Variants in HTR1F observed in about 807,000 individuals in gnomAD.
HTR1F encodes 5-hydroxytryptamine (serotonin) receptor 1F, G protein-coupled.
In HTR1F, 17 loss-of-function variants were observed where a neutral mutation model predicts 24.0. The observed-to-expected ratio is 0.71, with a 90% CI of 0.48 to 1.06. HTR1F has a LOEUF of 1.06. HTR1F is among the 50% of genes least tolerant of loss of function. HTR1F has a pLI of 0.00. For synonymous variants in HTR1F, 186 were observed against 156.8 expected (o/e 1.19, Z -1.39); for missense variants, 391 against 427.8 (o/e 0.91, Z 0.76).
At chr3:87,839,293 G>A (rs1244117202) in intron 2 of HTR1F, among the ~76,000 whole-genome samples, 1 of 151,990 alleles carries the variant, frequency 6.6e-6, no homozygotes, top group Non-Finnish European at 1.5e-5. Context: ...GCATGTAGAT[G>A]TCCAGTTTTA....
At chr3:87,805,315 G>A (rs1393153951) in intron 1 of HTR1F, among the ~76,000 whole-genome samples, 1 of 151,864 alleles carries the variant, frequency 6.6e-6, no homozygotes, top group Non-Finnish European at 1.5e-5. Context: ...ATATTTATTA[G>A]AATAGCAGTT....
intron 2 of HTR1F, among the ~76,000 whole-genome samples, chr3:87,888,616 G>A (rs1706011344): frequency 6.6e-6 from 1 of 152,028 alleles, no homozygotes; most frequent in Non-Finnish European, 1.5e-5. Flanking sequence ...GGGAAATCTG[G>A]TTATTGAATT....
At chr3:87,894,319 C>T (rs909368623) in intron 2 of HTR1F, among the ~76,000 whole-genome samples, 25 of 152,068 alleles carry the variant, frequency 1.6e-4, no homozygotes, top group Admixed American at 4.6e-4. Context: ...TGCGGTGGCA[C>T]GATCACTGCT....
At position 87,823,596 on chromosome 3, in the gene HTR1F, C is replaced by T. The variant is rs529137197; in HGVS notation, c.-43+1472C>T. Among the ~76,000 whole-genome samples, 6 of 150,778 alleles carry T rather than the reference C, an allele frequency of 4.0e-5. No individual in the cohort carries two copies. In the South Asian group the frequency reaches 8.4e-4, roughly 21 times the overall value. On this transcript the variant is annotated intron_variant, in intron 2 of 2. Transcript: ENST00000319595. ...GTGGCACAGTCACAGCTCATTGCAG[C>T]TTCCACCTCCCAGGATCAAGTGATC...
intron 1 of HTR1F, among the ~76,000 whole-genome samples, chr3:87,799,315 A>AT (rs538436465): frequency 1.1e-3 from 174 of 152,006 alleles, no homozygotes; most frequent in South Asian, 7.5e-3. Context: ...TGCCTTCATG[A>AT]TTTTTTTTCA....
At chr3:87,934,526 G>T (rs1423052895) in intron 2 of HTR1F, among the ~76,000 whole-genome samples, 1 of 152,182 alleles carries the variant, frequency 6.6e-6, no homozygotes, top group African/African-American at 2.4e-5. Flanking sequence ...CCCAGCTCCT[G>T]TGCATCAGTC....
intron 1 of HTR1F, among the ~76,000 whole-genome samples, chr3:87,814,016 C>A (rs1217692407): frequency 6.6e-6 from 1 of 151,930 alleles, no homozygotes; most frequent in African/African-American, 2.4e-5. Flanking sequence ...TTGGGATAAT[C>A]TTTTTAGCAT....
At chr3:87,909,906 C>A (rs1703741299) in intron 2 of HTR1F, among the ~76,000 whole-genome samples, 1 of 151,964 alleles carries the variant, frequency 6.6e-6, no homozygotes, top group South Asian at 2.1e-4. Flanking sequence ...TTTCTTTAAG[C>A]ATACTCCATG....
intron 2 of HTR1F, among the ~76,000 whole-genome samples, chr3:87,924,757 C>A (rs1604697): frequency 0.4 from 61,466 of 151,852 alleles, 12,804 homozygotes; most frequent in African/African-American, 0.5. Flanking sequence ...AGGGTTCCTT[C>A]ATACGTGATT....
chr3:87,945,739 G>T (rs1335091646), intron 2 of HTR1F, among the ~76,000 whole-genome samples: 1 of 152,124 alleles, frequency 6.6e-6, no homozygotes, highest in African/African-American at 2.4e-5. Flanking sequence ...TTTTTAACTG[G>T]CTGAAGGGTG....
chr3:87,843,408 T>A (rs1217867542), intron 2 of HTR1F, among the ~76,000 whole-genome samples: 1 of 151,872 alleles, frequency 6.6e-6, no homozygotes, highest in African/African-American at 2.4e-5. Context: ...GATGTTTATA[T>A]CATACATGTT....
chr3:87,869,431 A>AGAT (rs1705503455), intron 2 of HTR1F, among the ~76,000 whole-genome samples: 1 of 139,402 alleles, frequency 7.2e-6, no homozygotes, highest in African/African-American at 2.8e-5. Flanking sequence ...ATAGATAGAT[A>AGAT]GATACATAGA....
At chr3:87,799,339 CAAT>C (rs1465273919) in intron 1 of HTR1F, among the ~76,000 whole-genome samples, 1 of 152,010 alleles carries the variant, frequency 6.6e-6, no homozygotes, top group Non-Finnish European at 1.5e-5. Flanking sequence ...CTGCATACAA[CAAT>C]GTTTCTTATT....
intron 2 of HTR1F, among the ~76,000 whole-genome samples, chr3:87,877,790 G>A (rs1705703705): frequency 6.6e-6 from 1 of 152,174 alleles, no homozygotes; most frequent in Non-Finnish European, 1.5e-5. Flanking sequence ...GGCTTGCACA[G>A]AAGAAGAAAT....
intron 1 of HTR1F, among the ~76,000 whole-genome samples, chr3:87,808,708 T>C (rs758442596): frequency 4.6e-5 from 7 of 152,052 alleles, no homozygotes; most frequent in Non-Finnish European, 7.4e-5. Flanking sequence ...TTTTAAATTG[T>C]CTATTTGAAA....
chr3:87,873,741 G>A (rs141789465), intron 2 of HTR1F, among the ~76,000 whole-genome samples: 18 of 152,208 alleles, frequency 1.2e-4, no homozygotes, highest in African/African-American at 4.1e-4. Flanking sequence ...GACCAAATGG[G>A]ATTTATTCCT....
At position 87,964,727 on chromosome 3, in the gene HTR1F, T is replaced by C. The variant is rs536021018; in HGVS notation, c.-42-25981T>C. On this transcript the variant is annotated intron_variant, in intron 2 of 2. Transcript: ENST00000319595. ...TAGGATCTGGAAAGATAGTAAGAGA[T>C]GTTCCTTTCCAGTTTCCTTTCCAGT... Among the ~76,000 whole-genome samples, 6 of 152,322 alleles carry C rather than the reference T, an allele frequency of 3.9e-5. No individual in the cohort carries two copies. The East Asian group carries it at 9.6e-4, about 24-fold the overall frequency.
At chr3:87,840,074 A>G (rs1704767646) in intron 2 of HTR1F, among the ~76,000 whole-genome samples, 1 of 152,186 alleles carries the variant, frequency 6.6e-6, no homozygotes, top group African/African-American at 2.4e-5. Flanking sequence ...TGTGATGAAT[A>G]AATGGGTGCA....
intron 2 of HTR1F, among the ~76,000 whole-genome samples, chr3:87,843,135 A>G (rs1195060482): frequency 6.6e-6 from 1 of 151,894 alleles, no homozygotes; most frequent in Admixed American, 6.6e-5. Context: ...CCTATAAGAC[A>G]TTGTAACCTA....
Sources: allele counts gnomAD v4.1 joint callset (sites outside exome capture counted in the v4.1 genomes callset), GRCh38; gene constraint gnomAD v4.1.1; transcripts MANE v1.5; gene names NCBI Gene and HGNC (gene_info 2026-07-23, HGNC 2026-07-21).